The following PHF24 variants were observed in gnomAD, a reference collection of about 807,000 sequenced individuals.
PHF24 encodes Galpha inhibitory interacting protein.
A neutral mutation model predicts 42.6 loss-of-function variants in PHF24; 25 were observed. The observed-to-expected ratio is 0.59, with a 90% CI of 0.43 to 0.82. The LOEUF (loss-of-function observed/expected upper bound fraction) is 0.82. PHF24 is among the 40% of genes least tolerant of loss of function. The pLI is 0.00. For missense variants in PHF24, 470 were observed against 538.1 expected, an observed-to-expected ratio of 0.87 and a Z score of 1.25; for synonymous variants, 185 against 204.8, an observed-to-expected ratio of 0.90 and a Z score of 0.83.
the PHF24 span, among the ~76,000 whole-genome samples, chr9:34,739,870 T>G: frequency 2.0e-5 from 3 of 152,120 alleles, no homozygotes; most frequent in African/African-American, 4.8e-5. Flanking sequence ...GTGGTCTGTT[T>G]TGACAGGGCG....
the PHF24 span, among the ~76,000 whole-genome samples, chr9:34,750,065 T>G: frequency 6.6e-6 from 1 of 152,142 alleles, no homozygotes; most frequent in Non-Finnish European, 1.5e-5. Flanking sequence ...ATACCAGACC[T>G]GTCCTACAAG....
At chr9:34,805,194 A>ATACATTTTCATT in the PHF24 span, among the ~76,000 whole-genome samples, 2 of 152,322 alleles carry the variant, frequency 1.3e-5, no homozygotes, top group Admixed American at 1.3e-4. Context: ...TTGTGTGGAC[A>ATACATTTTCATT]TACATTTTCA....
the PHF24 span, among the ~76,000 whole-genome samples, chr9:34,908,933 C>CTGA: frequency 6.6e-6 from 1 of 151,422 alleles, no homozygotes; most frequent in Non-Finnish European, 1.5e-5. Flanking sequence ...CTCCAACCTC[C>CTGA]ACCTCCCAGG....
At chr9:34,681,447 C>T in the PHF24 span, 1 of 22,986 alleles carries the variant, frequency 4.4e-5, no homozygotes, top group African/African-American at 1.6e-4. Flanking sequence ...GTGTCCCCCC[C>T]CAAATTCGTA....
At chr9:34,952,180 A>G in the PHF24 span, among the ~76,000 whole-genome samples, 2 of 152,142 alleles carry the variant, frequency 1.3e-5, no homozygotes, top group South Asian at 4.1e-4. Flanking sequence ...ATGAAAAATA[A>G]TCTACACAAA....
upstream of PHF24, among the ~76,000 whole-genome samples, chr9:34,956,878 G>A (rs1826387588): frequency 6.6e-6 from 1 of 152,116 alleles, no homozygotes; most frequent in African/African-American, 2.4e-5. Flanking sequence ...TATATTAATG[G>A]TTTATAGCCT....
the PHF24 span, among the ~76,000 whole-genome samples, chr9:34,812,470 G>A: frequency 6.6e-6 from 1 of 152,140 alleles, no homozygotes; most frequent in African/African-American, 2.4e-5. Context: ...ATGAAATGTG[G>A]TATGGAAACC....
chr9:34,918,385 C>T, the PHF24 span: 10 of 644,998 alleles, frequency 1.6e-5, no homozygotes, highest in South Asian at 8.4e-5. Flanking sequence ...AATTGTAACT[C>T]GAAGGGTGAA....
At chr9:34,899,076 G>A in the PHF24 span, among the ~76,000 whole-genome samples, 1 of 152,178 alleles carries the variant, frequency 6.6e-6, no homozygotes, top group African/African-American at 2.4e-5. Context: ...AGTGGGATCA[G>A]TGTCTTCCTG....
chr9:34,816,793 A>G, the PHF24 span, among the ~76,000 whole-genome samples: 1 of 152,224 alleles, frequency 6.6e-6, no homozygotes, highest in Non-Finnish European at 1.5e-5. Context: ...TTTCTTCTTC[A>G]GTCAAAGTCA....
chr9:34,921,576 A>G, the PHF24 span, among the ~76,000 whole-genome samples: 1 of 152,240 alleles, frequency 6.6e-6, no homozygotes, highest in East Asian at 1.9e-4. Flanking sequence ...GTAACTTTAC[A>G]AATAATGGAA....
the PHF24 span, among the ~76,000 whole-genome samples, chr9:34,712,587 C>T: frequency 1.3e-5 from 2 of 151,932 alleles, no homozygotes; most frequent in Non-Finnish European, 2.9e-5. Flanking sequence ...ATTTTTGCTT[C>T]CAGAATTTCT....
chr9:34,848,543 A>T, the PHF24 span, among the ~76,000 whole-genome samples: 3 of 152,044 alleles, frequency 2.0e-5, no homozygotes, highest in Non-Finnish European at 2.9e-5. Context: ...GATCCGTTCA[A>T]AAAACCACCT....
chr9:34,920,143 T>C, the PHF24 span, among the ~76,000 whole-genome samples: 1 of 152,208 alleles, frequency 6.6e-6, no homozygotes, highest in Non-Finnish European at 1.5e-5. Context: ...CAGTTCTCCA[T>C]AGTGGCTGTA....
chr9:34,760,692 G>T, the PHF24 span, among the ~76,000 whole-genome samples: 354 of 152,300 alleles, frequency 2.3e-3, 1 homozygote, highest in African/African-American at 7.6e-3. Flanking sequence ...CGACGTCTCG[G>T]CCCCGCCAGG....
the PHF24 span, among the ~76,000 whole-genome samples, chr9:34,902,163 TATAATC>T: frequency 6.6e-6 from 1 of 151,814 alleles, no homozygotes; most frequent in Non-Finnish European, 1.5e-5. Context: ...ATGAAGATCT[TATAATC>T]AAAATGATTA....
the PHF24 span, among the ~76,000 whole-genome samples, chr9:34,883,569 C>T: frequency 6.6e-6 from 1 of 152,206 alleles, no homozygotes; most frequent in Non-Finnish European, 1.5e-5. Flanking sequence ...TGAACAGACA[C>T]TTCTCAAAAG....
At chr9:34,691,264 T>A in the PHF24 span, 3 of 722,314 alleles carry the variant, frequency 4.2e-6, no homozygotes, top group Non-Finnish European at 4.6e-6. Flanking sequence ...GTGAGTGATG[T>A]GAGGCTGGGA....
chr9:34,872,327 G>T, the PHF24 span, among the ~76,000 whole-genome samples: 6 of 147,682 alleles, frequency 4.1e-5, no homozygotes, highest in African/African-American at 1.2e-4. Context: ...TCTAGCATTA[G>T]GTATATCTCC....
Sources: gnomAD v4.1 joint callset for allele counts (sites outside exome capture counted in the v4.1 genomes callset) on GRCh38, gnomAD v4.1.1 for gene constraint, MANE v1.5 for transcripts, NCBI Gene and HGNC (gene_info 2026-07-23, HGNC 2026-07-21) for gene names.